CFAP69: variants seen among roughly 807,000 people sequenced by gnomAD.
CFAP69 encodes the protein cilia- and flagella-associated protein 69.
Under a neutral mutation model 123.0 loss-of-function variants are expected in CFAP69, and 92 were observed. The observed-to-expected ratio is 0.75, with a 90% CI of 0.63 to 0.89. The LOEUF (loss-of-function observed/expected upper bound fraction) is 0.89, where lower values mean the gene tolerates loss of function less well. Ranked by LOEUF, CFAP69 falls within the 40% of genes least tolerant of loss-of-function variation. The pLI is 0.00. For missense variants in CFAP69, 1,067 were observed against 1,096.9 expected, an observed-to-expected ratio of 0.97 and a Z score of 0.39; for synonymous variants, 380 against 364.3, an observed-to-expected ratio of 1.04 and a Z score of -0.49.
In CFAP69 at chr7:90,274,012, C is replaced by A; in HGVS notation, c.886C>A (p.Leu296Met). The A allele has an allele frequency of 6.3e-7, 1 of 1,598,064 alleles. No individual in the cohort carries two copies. Among genetic ancestry groups the A allele is most frequent in the Non-Finnish European group, 8.5e-7 (1 of 1,173,596 alleles). ...GGCTTTGAAGGAAGTATTTAAAAAT[C>A]TGTTTATGAGAGGTTTCAGTCATTA... is the stretch of plus-strand genomic sequence containing the variant. ...LLALKEVFKN[L>M]FMRGFSHYDR... The change falls in exon 9 of 23, where the codon CTG becomes ATG. Residue 296 changes from leucine to methionine, a missense_variant. Physicochemically the swap from Leu to Met is conservative, Grantham distance 15 (BLOSUM62 2). Transcript: ENST00000389297.
intron 15 of CFAP69, among the ~76,000 whole-genome samples, chr7:90,291,194 G>C (rs1791132319): frequency 6.6e-6 from 1 of 152,136 alleles, no homozygotes; most frequent in Admixed American, 6.6e-5. Flanking sequence ...AATCAGAGCA[G>C]CCCTGAGGGC....
intron 21 of CFAP69, among the ~76,000 whole-genome samples, chr7:90,308,151 T>C (rs1321392132): frequency 2.0e-5 from 3 of 152,164 alleles, no homozygotes; most frequent in African/African-American, 7.2e-5. Context: ...TGCTTTCCAT[T>C]CTGAACCTGC....
At chr7:90,267,378 G>A (rs1390763573) in intron 5 of CFAP69, among the ~76,000 whole-genome samples, 1 of 152,034 alleles carries the variant, frequency 6.6e-6, no homozygotes, top group Admixed American at 6.6e-5. Flanking sequence ...AGTCCAACCA[G>A]TTCTAGTTTA....
intron 19 of CFAP69, among the ~76,000 whole-genome samples, chr7:90,305,394 A>G (rs1477699553): frequency 6.6e-6 from 1 of 151,368 alleles, no homozygotes; most frequent in East Asian, 1.9e-4. Flanking sequence ...CAAAAAAAAA[A>G]AAAATTATTT....
intron 4 of CFAP69, among the ~76,000 whole-genome samples, chr7:90,264,499 T>A (rs1386627703): frequency 6.6e-6 from 1 of 152,026 alleles, no homozygotes; most frequent in African/African-American, 2.4e-5. Flanking sequence ...GAATAAACTA[T>A]CGATTTTGCC....
chr7:90,309,991 C>A, intron 22 of CFAP69, 77 bp from the exon 23 acceptor site: 1 of 1,204,226 alleles, frequency 8.3e-7, no homozygotes, highest in South Asian at 1.5e-5. Flanking sequence ...CAAAAGTAAG[C>A]TGAAGGATGA....
rs1205015625 is a variant in CFAP69 at position 90,309,340 on chromosome 7, A to C, written c.2628A>C (p.Gln876His). ...GACCACAAAATGCAATATTTCACCA[A>C]ACACATATTAAAGGCCTTAACACAA... Reference protein sequence around the residue: ...HKRPQNAIFHQTHIKGLNTTV... With the variant: ...HKRPQNAIFHHTHIKGLNTTV... Residue 876 changes from glutamine (Q) to histidine (H), a missense_variant, in exon 22 of 23, where the codon CAA becomes CAC. Gln to His is a conservative substitution (Grantham distance 24). Coordinates refer to ENST00000389297, the MANE Select transcript of CFAP69 (RefSeq NM_001039706.3). The C allele has an allele frequency of 6.3e-7, 1 of 1,588,462 alleles. No homozygotes were observed.
intron 14 of CFAP69, chr7:90,287,621 C>T (rs1347078127): frequency 4.1e-6 from 4 of 985,174 alleles, no homozygotes; most frequent in African/African-American, 1.7e-5. Flanking sequence ...TAAGTGAACG[C>T]CTGTTTAGCT....
chr7:90,299,002 C>T (rs1282571069), intron 16 of CFAP69, among the ~76,000 whole-genome samples: 1 of 152,066 alleles, frequency 6.6e-6, no homozygotes, highest in Non-Finnish European at 1.5e-5. Context: ...ATGATAACTG[C>T]TAATAATGGT....
chr7:90,281,896 T>G (rs571666037), intron 12 of CFAP69, among the ~76,000 whole-genome samples: 1 of 152,116 alleles, frequency 6.6e-6, no homozygotes, highest in South Asian at 2.1e-4. Context: ...CTCCTATATA[T>G]CAATAAGAAA....
intron 14 of CFAP69, chr7:90,287,799 T>C (rs1229582279): frequency 1.1e-6 from 1 of 933,342 alleles, no homozygotes; most frequent in Non-Finnish European, 1.3e-6. Flanking sequence ...ACAAAAATTA[T>C]TAAATGTTTT....
In CFAP69 at chr7:90,299,898, T is replaced by C; in HGVS notation, c.1889T>C (p.Leu630Pro). ...CAAAAAAAATTCTGTAATCTAATAC[T>C]TGGAATAATGGTTGAATTTTGTGAT... Reference protein sequence around the residue: ...LNQKKFCNLILGIMVEFCDNP... With the variant: ...LNQKKFCNLIPGIMVEFCDNP... The change falls in exon 17 of 23, where the codon CTT (leucine) becomes CCT (proline). Residue 630 changes from leucine to proline, a missense_variant. Physicochemically the swap from Leu to Pro is moderately conservative, Grantham distance 98. Transcript: ENST00000389297. The C allele has an allele frequency of 6.2e-7, 1 of 1,608,680 alleles. No homozygotes were observed. Among genetic ancestry groups the C allele is most frequent in the Non-Finnish European group, 8.5e-7 (1 of 1,177,688 alleles).
chr7:90,319,251 G>T, the CFAP69 span: 1 of 393,794 alleles, frequency 2.5e-6, no homozygotes, highest in Non-Finnish European at 4.5e-6. Context: ...AACTAAATAT[G>T]GTAAATTTGC....
chr7:90,312,787 C>G (rs1253626399), downstream of CFAP69: 2 of 152,188 alleles, frequency 1.3e-5, no homozygotes, highest in Admixed American at 1.3e-4. Flanking sequence ...GGTATATTTT[C>G]TTACATTAGT....
At chr7:90,322,786 TAGGAGTACATA>T in the CFAP69 span, among the ~76,000 whole-genome samples, 1 of 152,158 alleles carries the variant, frequency 6.6e-6, no homozygotes, top group Admixed American at 6.5e-5. Flanking sequence ...ATGTACTAAA[TAGGAGTACATA>T]TTTGGGTATG....
At chr7:90,292,457 C>T (rs1791340255) in intron 15 of CFAP69, among the ~76,000 whole-genome samples, 2 of 152,158 alleles carry the variant, frequency 1.3e-5, no homozygotes, top group African/African-American at 2.4e-5. Flanking sequence ...CACACCATTC[C>T]AGTCAAAGCC....
At chr7:90,264,754 A>T (rs1798897953) in intron 4 of CFAP69, among the ~76,000 whole-genome samples, 1 of 152,184 alleles carries the variant, frequency 6.6e-6, no homozygotes. Flanking sequence ...TATAATTAAT[A>T]TAATATTTTC....
At chr7:90,318,245 T>C in the CFAP69 span, 1 of 152,182 alleles carries the variant, frequency 6.6e-6, no homozygotes, top group African/African-American at 2.4e-5. Flanking sequence ...AAGCTTCACA[T>C]CCTTTTTGAA....
intron 1 of CFAP69, chr7:90,251,841 G>A (rs1406949895): frequency 6.6e-6 from 1 of 152,104 alleles, no homozygotes; most frequent in Non-Finnish European, 1.5e-5. Context: ...ACTACTCTCT[G>A]TTCTTTTAAA....
Sources: allele counts gnomAD v4.1 joint callset (sites outside exome capture counted in the v4.1 genomes callset), GRCh38; gene constraint gnomAD v4.1.1; transcripts MANE v1.5; gene names NCBI Gene and HGNC (gene_info 2026-07-23, HGNC 2026-07-21).